JAKMIP2: variants seen among roughly 807,000 people sequenced by gnomAD.
JAKMIP2 encodes the protein janus kinase and microtubule-interacting protein 2.
Under a neutral mutation model 115.0 loss-of-function variants are expected in JAKMIP2, and 25 were observed. The ratio of observed to expected loss-of-function variants is 0.22; its 90% CI spans 0.16 to 0.30. The LOEUF is 0.30. JAKMIP2 is among the 10% of genes least tolerant of loss of function. JAKMIP2 has a pLI of 1.00. For synonymous variants in JAKMIP2, 334 were observed against 343.6 expected (o/e 0.97, Z 0.31); for missense variants, 642 against 957.6 (o/e 0.67, Z 4.35).
rs773994760 is a variant in JAKMIP2 at position 147,650,431 on chromosome 5, G to C, written c.744C>G (p.Leu248=). The change falls in exon 4 of 22, where the codon CTC becomes CTG. Residue 248 remains leucine (L), a synonymous_variant. Transcript: ENST00000616793. ...QLQKEALDEQ[L]FLVKEAECNM... is the part of the protein sequence containing the mutation. ...TGCACTCAGCCTCCTTGACCAGAAA[G>C]AGTTGTTCGTCCAAAGCCTCCTTCT... 14 of 1,613,872 alleles carry C rather than the reference G, an allele frequency of 8.7e-6. No individual in the cohort carries two copies. Among genetic ancestry groups the C allele is most frequent in the Admixed American group, 3.3e-5 (2 of 59,998 alleles).
chr5:147,602,634 A>G (rs1755766042), intron 20 of JAKMIP2, among the ~76,000 whole-genome samples: 1 of 152,234 alleles, frequency 6.6e-6, no homozygotes, highest in Non-Finnish European at 1.5e-5. Context: ...GTGCTTGAGT[A>G]GCACAGGTAT....
In JAKMIP2 at chr5:147,629,839, G is replaced by C. The variant is rs535471847; in HGVS notation, c.1876-93C>G. The C allele has an allele frequency of 2.1e-3, 1,976 of 928,374 alleles. 24 individuals carry two copies. The highest frequency in any genetic ancestry group is 9.3e-4 in the Non-Finnish European group (553 of 594,452). The allele number at this position is 928,374 out of a possible 1,614,324, so 57.5% of individuals were successfully genotyped here. Reference sequence around the variant, plus strand: ...TGAAGTTAGAGGAAGACATTTTAGGGCCTGAACTTCCTTGGGATGTTTTCA... The same window carrying C: ...TGAAGTTAGAGGAAGACATTTTAGGCCCTGAACTTCCTTGGGATGTTTTCA... On this transcript the variant is annotated intron_variant, in intron 14 of 21. Coordinates refer to ENST00000616793, the MANE Select transcript of JAKMIP2 (RefSeq NM_001270941.2).
At chr5:147,716,761 G>T (rs1221389509) in intron 1 of JAKMIP2, among the ~76,000 whole-genome samples, 11 of 149,536 alleles carry the variant, frequency 7.4e-5, no homozygotes, top group African/African-American at 2.7e-4. Context: ...TGTCAGATGA[G>T]TAGGTTGGGA....
intron 2 of JAKMIP2, among the ~76,000 whole-genome samples, chr5:147,665,073 C>T (rs1759225279): frequency 1.3e-5 from 2 of 152,194 alleles, no homozygotes; most frequent in African/African-American, 4.8e-5. Context: ...CTAGATCTTA[C>T]TCTCCATCTT....
chr5:147,688,081 C>A (rs1345180653), intron 1 of JAKMIP2, among the ~76,000 whole-genome samples: 1 of 152,172 alleles, frequency 6.6e-6, no homozygotes, highest in Non-Finnish European at 1.5e-5. Flanking sequence ...ACACAACACT[C>A]TTTTTCATAT....
chr5:147,634,805 G>C (rs1358537526), intron 12 of JAKMIP2, among the ~76,000 whole-genome samples: 1 of 152,168 alleles, frequency 6.6e-6, no homozygotes, highest in Non-Finnish European at 1.5e-5. Flanking sequence ...CCAGACTAGA[G>C]GGGAGGTAGG....
intron 2 of JAKMIP2, among the ~76,000 whole-genome samples, chr5:147,663,324 G>A (rs79177454): frequency 0.077 from 11,650 of 152,182 alleles, 569 homozygotes; most frequent in Middle Eastern, 0.17. Flanking sequence ...CAGTCTAGGT[G>A]GGCACATTCT....
intron 1 of JAKMIP2, among the ~76,000 whole-genome samples, chr5:147,679,781 T>A (rs570842313): frequency 1.9e-4 from 29 of 152,194 alleles, no homozygotes; most frequent in Non-Finnish European, 1.5e-4. Context: ...CAAATACACA[T>A]GTCAGTCTCC....
At chr5:147,769,738 G>A (rs2127071552) in intron 1 of JAKMIP2, among the ~76,000 whole-genome samples, 1 of 140,432 alleles carries the variant, frequency 7.1e-6, no homozygotes, top group Middle Eastern at 4.2e-3. Context: ...TTTGTGTAGA[G>A]CGCCTGGATC....
chr5:147,623,728 C>T (rs764314443), intron 16 of JAKMIP2, 39 bp from the exon 17 acceptor site: 4 of 1,338,678 alleles, frequency 3.0e-6, no homozygotes, highest in Non-Finnish European at 4.3e-6. Context: ...GACATGGCTG[C>T]TTGATATGGT....
chr5:147,648,282 TTTCTC>T (rs1758228961), intron 5 of JAKMIP2, 89 bp downstream of exon 5: 1 of 684,892 alleles, frequency 1.5e-6, no homozygotes, highest in Non-Finnish European at 2.6e-6. Flanking sequence ...TTTGTACACT[TTTCTC>T]TATTATGGTA....
rs894410728 is a variant in JAKMIP2, at chr5:147,698,557, A to T, written c.-148-26603T>A. Among the ~76,000 whole-genome samples, 4 of 152,112 alleles carry T rather than the reference A, an allele frequency of 2.6e-5. 1 individual carries two copies. Among genetic ancestry groups the T allele is most frequent in the Non-Finnish European group, 5.9e-5 (4 of 68,014 alleles). On this transcript the variant is annotated intron_variant, in intron 1 of 21. Transcript: ENST00000616793. ...TGTGTTGTGGGACGGACCCAGTGGGAAGTGATTGGATGATGAAGATGGTTT... is the reference window on the plus strand; with the variant it reads ...TGTGTTGTGGGACGGACCCAGTGGGTAGTGATTGGATGATGAAGATGGTTT...
chr5:147,737,533 C>T (rs1281931616), intron 1 of JAKMIP2, among the ~76,000 whole-genome samples: 1 of 152,142 alleles, frequency 6.6e-6, no homozygotes, highest in Non-Finnish European at 1.5e-5. Context: ...ACAATGAAAG[C>T]AATCAAGCTG....
chr5:147,601,666 A>G (rs1489801578), intron 21 of JAKMIP2, 75 bp downstream of exon 21: 1 of 930,704 alleles, frequency 1.1e-6, no homozygotes, highest in African/African-American at 1.7e-5. Context: ...AAAGAAAGGC[A>G]TAGTAACTAT....
chr5:147,697,956 C>A (rs958422266), intron 1 of JAKMIP2, among the ~76,000 whole-genome samples: 1 of 152,188 alleles, frequency 6.6e-6, no homozygotes, highest in Non-Finnish European at 1.5e-5. Context: ...GTCCTCCAGA[C>A]CCCAGAATGG....
rs184558236 is a variant in JAKMIP2, at chr5:147,703,257, C to T, written c.-148-31303G>A. On this transcript the variant is annotated intron_variant, in intron 1 of 21. Transcript: ENST00000616793. The stretch of plus-strand genomic sequence containing the variant: ...ATACACCCAGGCTATATGTTATAGC[C>T]TATTGATCCTAGGCTACAAATGGGT... Among the ~76,000 whole-genome samples, 64 of 152,148 alleles carry T rather than the reference C, an allele frequency of 4.2e-4. No homozygotes were observed. The East Asian group carries it at 0.01, about 24-fold the overall frequency.
At chr5:147,763,988 A>AT (rs1452094743) in intron 1 of JAKMIP2, among the ~76,000 whole-genome samples, 1 of 152,156 alleles carries the variant, frequency 6.6e-6, no homozygotes, top group African/African-American at 2.4e-5. Context: ...GGAATGGAAA[A>AT]TACTTAGAGA....
chr5:147,685,911 G>A (rs1760546223), intron 1 of JAKMIP2, among the ~76,000 whole-genome samples: 1 of 152,120 alleles, frequency 6.6e-6, no homozygotes, highest in African/African-American at 2.4e-5. Context: ...ATAAAATAAT[G>A]TTTCTGGCAT....
chr5:147,764,914 GAAAGAA>G (rs1285633477), intron 1 of JAKMIP2, among the ~76,000 whole-genome samples: 16 of 89,092 alleles, frequency 1.8e-4, no homozygotes, highest in Non-Finnish European at 2.7e-4. Flanking sequence ...AAGAAAGAAA[GAAAGAA>G]AGAGAGAGAG....
Sources: gnomAD v4.1 joint callset for allele counts (sites outside exome capture counted in the v4.1 genomes callset) on GRCh38, gnomAD v4.1.1 for gene constraint, MANE v1.5 for transcripts, NCBI Gene and HGNC (gene_info 2026-07-23, HGNC 2026-07-21) for gene names.